Variants in SERPINB7 observed in about 807,000 individuals in gnomAD.
SERPINB7 encodes the protein serpin B7.
In SERPINB7, 31 loss-of-function variants were observed where a neutral mutation model predicts 37.4. That is an observed-to-expected ratio of 0.83 (90% CI 0.62 to 1.12). The LOEUF (loss-of-function observed/expected upper bound fraction) is 1.12, where lower values mean the gene tolerates loss of function less well. Among genes scored for constraint, SERPINB7 ranks in the 50% most tolerant of loss-of-function variants. The probability of loss-of-function intolerance (pLI) is 0.00; values close to 1 mark genes in which losing one functional copy is unlikely to be tolerated. For synonymous variants in SERPINB7, 163 were observed against 166.1 expected (o/e 0.98, Z 0.14); for missense variants, 521 against 455.3 (o/e 1.14, Z -1.31).
intron 6 of SERPINB7, among the ~76,000 whole-genome samples, chr18:63,799,929 T>C (rs2049529310): frequency 6.6e-6 from 1 of 152,240 alleles, no homozygotes; most frequent in Admixed American, 6.5e-5. Flanking sequence ...ACCTCAGTGT[T>C]GTCTCTAAAT....
At position 63,793,998 on chromosome 18, in the gene SERPINB7, C is replaced by T. The variant is rs143105794; in HGVS notation, c.336+721C>T. On this transcript the variant is annotated intron_variant, in intron 4 of 7. Transcript: ENST00000398019. ...TAGCTCTGTTGCCCGGGATGGAGTGCACTGGCGCAATCTCGGCTCACTGCA... is the reference window on the plus strand; with the variant it reads ...TAGCTCTGTTGCCCGGGATGGAGTGTACTGGCGCAATCTCGGCTCACTGCA... Among the ~76,000 whole-genome samples, 214 of 152,026 alleles carry T rather than the reference C, an allele frequency of 1.4e-3. 5 individuals are homozygous for T. In the East Asian group the frequency reaches 0.032, roughly 23 times the overall value.
At chr18:63,775,867 C>T (rs1309643512) in intron 1 of SERPINB7, among the ~76,000 whole-genome samples, 151 bp downstream of exon 1, 2 of 152,096 alleles carry the variant, frequency 1.3e-5, no homozygotes, top group Non-Finnish European at 2.9e-5. Context: ...CTCTCCAGGT[C>T]GCCTCCTTGG....
intron 2 of SERPINB7, among the ~76,000 whole-genome samples, chr18:63,789,158 C>T (rs2049401650): frequency 6.6e-6 from 1 of 152,150 alleles, no homozygotes; most frequent in Non-Finnish European, 1.5e-5. Context: ...TCAGCCTTTA[C>T]TGGTTAAACT....
upstream of SERPINB7, among the ~76,000 whole-genome samples, chr18:63,774,115 TCTC>T (rs990526805): frequency 2.0e-5 from 3 of 151,968 alleles, no homozygotes; most frequent in African/African-American, 7.3e-5. Flanking sequence ...ACAACAACCT[TCTC>T]CTTCAGAAAG....
chr18:63,766,749 C>T (rs1412472876), intron 1 of SERPINB7, among the ~76,000 whole-genome samples: 4 of 152,120 alleles, frequency 2.6e-5, no homozygotes, highest in Non-Finnish European at 5.9e-5. Context: ...CTTCCCAACC[C>T]AGCCCTGACT....
At chr18:63,798,533 A>T in intron 5 of SERPINB7, 71 bp from the exon 6 acceptor site, 1 of 1,239,656 alleles carries the variant, frequency 8.1e-7, no homozygotes. Flanking sequence ...CATACCAATT[A>T]ATGGTCTTTT....
chr18:63,803,655 A>T (rs1334331610), intron 7 of SERPINB7, among the ~76,000 whole-genome samples: 4 of 152,126 alleles, frequency 2.6e-5, no homozygotes, highest in Non-Finnish European at 4.4e-5. Flanking sequence ...CCTGCACTTC[A>T]GTTGCCTCAT....
At chr18:63,791,824 A>T (rs1057401780) in intron 2 of SERPINB7, among the ~76,000 whole-genome samples, 48 of 152,058 alleles carry the variant, frequency 3.2e-4, no homozygotes, top group African/African-American at 1.1e-3. Flanking sequence ...GTTAGCCAGG[A>T]TGGTCTCGAT....
At chr18:63,779,843 A>G (rs1365586985) in intron 1 of SERPINB7, among the ~76,000 whole-genome samples, 1 of 152,158 alleles carries the variant, frequency 6.6e-6, no homozygotes, top group African/African-American at 2.4e-5. Flanking sequence ...ATTAAAGAAT[A>G]CTATTCAAAA....
At chr18:63,763,739 T>C (rs1302169477) in intron 1 of SERPINB7, among the ~76,000 whole-genome samples, 1 of 152,238 alleles carries the variant, frequency 6.6e-6, no homozygotes, top group Admixed American at 6.5e-5. Context: ...GACTTGGGTT[T>C]AATAAGGCAG....
At chr18:63,778,873 C>G (rs563945665) in intron 1 of SERPINB7, among the ~76,000 whole-genome samples, 1 of 152,064 alleles carries the variant, frequency 6.6e-6, no homozygotes, top group African/African-American at 2.4e-5. Flanking sequence ...TCCATGAGTA[C>G]GTGCTAATTT....
chr18:63,767,367 G>T (rs1236553446), intron 1 of SERPINB7, among the ~76,000 whole-genome samples: 1 of 152,058 alleles, frequency 6.6e-6, no homozygotes, highest in Non-Finnish European at 1.5e-5. Flanking sequence ...GGGGAAAAAA[G>T]TTAAGCTCAC....
At chr18:63,762,552 G>A (rs1255158008) in intron 1 of SERPINB7, among the ~76,000 whole-genome samples, 2 of 152,160 alleles carry the variant, frequency 1.3e-5, no homozygotes, top group Non-Finnish European at 2.9e-5. Flanking sequence ...ATGTATTGAG[G>A]ATTCTAGCTG....
chr18:63,773,064 G>A (rs558722871), upstream of SERPINB7, among the ~76,000 whole-genome samples: 7 of 152,198 alleles, frequency 4.6e-5, no homozygotes, highest in South Asian at 1.4e-3. Flanking sequence ...TAGAGTAACT[G>A]AATTCCTTTG....
intron 1 of SERPINB7, among the ~76,000 whole-genome samples, chr18:63,768,154 T>C (rs2049190748): frequency 6.6e-6 from 1 of 152,080 alleles, no homozygotes; most frequent in South Asian, 2.1e-4. Flanking sequence ...TTTTTATTGA[T>C]TACTGCTCTT....
intron 4 of SERPINB7, among the ~76,000 whole-genome samples, chr18:63,794,073 A>G (rs2049458642): frequency 6.9e-6 from 1 of 145,804 alleles, no homozygotes; most frequent in Admixed American, 6.8e-5. Context: ...CTTCCCAAGT[A>G]GCTGGGATTA....
At chr18:63,788,546 A>T (rs2049395946) in intron 2 of SERPINB7, among the ~76,000 whole-genome samples, 2 of 152,212 alleles carry the variant, frequency 1.3e-5, no homozygotes, top group African/African-American at 4.8e-5. Context: ...ATTACTGAAA[A>T]CAAAAATATT....
chr18:63,801,718 G>T (rs1011208906), intron 7 of SERPINB7, among the ~76,000 whole-genome samples: 3 of 152,124 alleles, frequency 2.0e-5, no homozygotes, highest in Non-Finnish European at 2.9e-5. Context: ...CTCTGTGGGG[G>T]CCAGAGGACC....
At chr18:63,776,954 A>G (rs1333660569) in intron 1 of SERPINB7, among the ~76,000 whole-genome samples, 2 of 152,058 alleles carry the variant, frequency 1.3e-5, no homozygotes, top group Non-Finnish European at 2.9e-5. Context: ...CTCTGATAGC[A>G]TATTCACCTT....
Sources: gnomAD v4.1 joint callset for allele counts (sites outside exome capture counted in the v4.1 genomes callset) on GRCh38, gnomAD v4.1.1 for gene constraint, MANE v1.5 for transcripts, NCBI Gene and HGNC (gene_info 2026-07-23, HGNC 2026-07-21) for gene names.